The following C5orf34 variants were observed in gnomAD, a reference collection of about 807,000 sequenced individuals.
C5orf34 encodes the protein chromosome 5 open reading frame 34.
In C5orf34, 73 loss-of-function variants were observed where a neutral mutation model predicts 78.4. That is an observed-to-expected ratio of 0.93 (90% CI 0.77 to 1.13). C5orf34 has a LOEUF of 1.13. Among genes scored for constraint, C5orf34 ranks in the 50% most tolerant of loss-of-function variants. C5orf34 has a pLI of 0.00. For synonymous variants in C5orf34, 251 were observed against 246.6 expected (o/e 1.02, Z -0.17); for missense variants, 730 against 732.7 (o/e 1.00, Z 0.04).
At chr5:43,492,363 A>G (rs1745321246) in intron 9 of C5orf34, 54 bp from the exon 10 acceptor site, 4 of 1,143,644 alleles carry the variant, frequency 3.5e-6, no homozygotes, top group Non-Finnish European at 5.2e-6. Context: ...AAAAGAACAT[A>G]AACAACCTAT....
intron 11 of C5orf34, among the ~76,000 whole-genome samples, chr5:43,489,222 A>G (rs1330210910): frequency 1.3e-5 from 2 of 152,252 alleles, no homozygotes; most frequent in East Asian, 3.9e-4. Flanking sequence ...AAAAAGTTGA[A>G]TTAATAAGCT....
chr5:43,507,787 A>G (rs1362805624), intron 3 of C5orf34, among the ~76,000 whole-genome samples: 3 of 152,216 alleles, frequency 2.0e-5, no homozygotes, highest in Non-Finnish European at 4.4e-5. Flanking sequence ...GCCTATAAAA[A>G]GAGGCTGCCG....
At position 43,513,021 on chromosome 5, in the gene C5orf34, A is replaced by G. The variant is rs116324295; in HGVS notation, c.-37+1785T>C. Among the ~76,000 whole-genome samples the G allele has an allele frequency of 9.8e-3, 1,484 of 152,000 alleles. 12 individuals carry two copies. The highest frequency in any genetic ancestry group is 0.035 in the South Asian group (167 of 4,810). On this transcript the variant is annotated intron_variant, in intron 1 of 12. Transcript: ENST00000306862. The stretch of plus-strand genomic sequence containing the variant: ...ATGGTCTGGAACTCCACACCTCGTG[A>G]TCCACCCGTTTTGGCCTCCCAAAGT...
intron 12 of C5orf34, among the ~76,000 whole-genome samples, chr5:43,487,407 G>A (rs1745108685): frequency 1.3e-5 from 2 of 152,010 alleles, no homozygotes; most frequent in Non-Finnish European, 2.9e-5. Context: ...GAAATGACAC[G>A]GGAATTAAAG....
intron 4 of C5orf34, among the ~76,000 whole-genome samples, chr5:43,504,107 T>A (rs1745878892): frequency 6.6e-6 from 1 of 152,028 alleles, no homozygotes; most frequent in South Asian, 2.1e-4. Flanking sequence ...GGTCAGGAGT[T>A]TGAGATCAGC....
In C5orf34 at chr5:43,487,100, T is replaced by A. The variant is rs151200604; in HGVS notation, c.1732A>T (p.Asn578Tyr). The change falls in exon 13 of 13, where the codon AAT becomes TAT. Residue 578 changes from asparagine to tyrosine, a missense_variant. Coordinates refer to ENST00000306862, the MANE Select transcript of C5orf34 (RefSeq NM_198566.4). ...GAAATCTGGTTTAGGATACCACTAT[T>A]TTCTAGTAGCACTAAGTTGCTTAGT... Reference protein sequence around the residue: ...KIQKFNLLLENSGILNQISNK... With the variant: ...KIQKFNLLLEYSGILNQISNK... 5.2e-6 allele frequency: 8 copies of A among 1,528,700 alleles called. No individual in the cohort carries two copies. In the African/African-American group the frequency reaches 1.1e-4, roughly 22 times the overall value. 94.7% of individuals were successfully genotyped at this position (1,528,700 alleles called of 1,614,324 possible).
chr5:43,492,196 T>A lies in C5orf34; in HGVS notation c.1580+19A>T, dbSNP rs1745312228. On this transcript the variant is annotated intron_variant, in intron 10 of 12. Transcript: ENST00000306862. ...AAAAGTAAAACATAAAAATAATTTT[T>A]AAAATTGCTTTTCAGTACCTTTCAT... 1 of 1,507,982 alleles carries A rather than the reference T, an allele frequency of 6.6e-7. No individual in the cohort carries two copies. Among genetic ancestry groups the A allele is most frequent in the Non-Finnish European group, 9.1e-7 (1 of 1,096,830 alleles). The allele number at this position is 1,507,982 out of a possible 1,614,324, so 93.4% of individuals were successfully genotyped here.
At chr5:43,511,563 AC>A (rs1207548095) in intron 1 of C5orf34, among the ~76,000 whole-genome samples, 2 of 152,242 alleles carry the variant, frequency 1.3e-5, no homozygotes, top group African/African-American at 4.8e-5. Flanking sequence ...GGCCATGATG[AC>A]GATGGCGGTT....
At chr5:43,495,982 C>T in intron 6 of C5orf34, 1 of 1,591,112 alleles carries the variant, frequency 6.3e-7, no homozygotes, top group Non-Finnish European at 8.5e-7. Context: ...TGTAGGGTGG[C>T]TCAGTGGAAT....
At chr5:43,509,967 C>T (rs1485706517) in intron 1 of C5orf34, among the ~76,000 whole-genome samples, 1 of 152,128 alleles carries the variant, frequency 6.6e-6, no homozygotes, top group Non-Finnish European at 1.5e-5. Flanking sequence ...ATTGGTCAGG[C>T]TGGTCTGGAA....
intron 1 of C5orf34, among the ~76,000 whole-genome samples, chr5:43,510,494 G>T (rs966223269): frequency 1.3e-5 from 2 of 152,190 alleles, no homozygotes; most frequent in African/African-American, 4.8e-5. Context: ...ATGCCTAGCG[G>T]AAGCTGGACT....
At chr5:43,513,237 C>A (rs1746351738) in intron 1 of C5orf34, among the ~76,000 whole-genome samples, 1 of 152,168 alleles carries the variant, frequency 6.6e-6, no homozygotes, top group African/African-American at 2.4e-5. Flanking sequence ...TATTTTCTTT[C>A]TCTAGAGAAC....
At chr5:43,501,094 G>A (rs999650897) in intron 6 of C5orf34, among the ~76,000 whole-genome samples, 6 of 152,150 alleles carry the variant, frequency 3.9e-5, no homozygotes, top group African/African-American at 1.4e-4. Flanking sequence ...ATTTGCTTTA[G>A]TATAAAAATT....
chr5:43,496,584 T>A, intron 6 of C5orf34: 1 of 15,164 alleles, frequency 6.6e-5, no homozygotes, highest in Non-Finnish European at 1.3e-4. Context: ...TTTTTTTAAT[T>A]TTTTTTTTTT....
At chr5:43,500,445 G>A (rs945927726) in intron 6 of C5orf34, among the ~76,000 whole-genome samples, 1 of 152,010 alleles carries the variant, frequency 6.6e-6, no homozygotes, top group Non-Finnish European at 1.5e-5. Flanking sequence ...TCCTAGACTG[G>A]TGTGCAGTGG....
chr5:43,510,472 G>A lies in C5orf34; in HGVS notation c.-36-1097C>T, dbSNP rs1746181203. ...GGTCTCCCTCTCCCTCTCTTTCTAC[G>A]GTCTCCCTCTGATGCCTAGCGGAAG... On this transcript the variant is annotated intron_variant, in intron 1 of 12. Transcript: ENST00000306862. 3.3e-5 allele frequency among the ~76,000 whole-genome samples: 5 copies of A among 152,032 alleles called. No individual in the cohort carries two copies. In the South Asian group the frequency reaches 6.2e-4, roughly 19 times the overall value.
At chr5:43,495,471 T>C (rs1745465191) in intron 6 of C5orf34, 3 of 1,609,464 alleles carry the variant, frequency 1.9e-6, no homozygotes, top group Non-Finnish European at 2.5e-6. Context: ...GGGTCATTTT[T>C]GCTGTCACCA....
intron 8 of C5orf34, 79 bp from the exon 9 acceptor site, chr5:43,492,969 G>T (rs753012139): frequency 4.3e-6 from 4 of 921,690 alleles, no homozygotes; most frequent in Non-Finnish European, 6.3e-6. Flanking sequence ...TGACTCTAGG[G>T]CAATTTTGGA....
At chr5:43,510,882 G>C (rs1746209770) in intron 1 of C5orf34, among the ~76,000 whole-genome samples, 1 of 151,396 alleles carries the variant, frequency 6.6e-6, no homozygotes, top group Non-Finnish European at 1.5e-5. Flanking sequence ...GAAGTGAGGA[G>C]TGTCTCTGCC....
Sources: gnomAD v4.1 joint callset for allele counts (sites outside exome capture counted in the v4.1 genomes callset) on GRCh38, gnomAD v4.1.1 for gene constraint, MANE v1.5 for transcripts, NCBI Gene and HGNC (gene_info 2026-07-23, HGNC 2026-07-21) for gene names.